PABPC4L: variants seen among roughly 807,000 people sequenced by gnomAD.
PABPC4L encodes poly(A) binding protein cytoplasmic 4 like, also known as polyadenylate-binding protein 4-like.
For missense variants in PABPC4L, 452 were observed against 451.4 expected (o/e 1.00, Z -0.01); for synonymous variants, 169 against 164.1 (o/e 1.03, Z -0.23).
chr4:134,167,758 G>T, the PABPC4L span, among the ~76,000 whole-genome samples: 4 of 151,906 alleles, frequency 2.6e-5, no homozygotes, highest in Admixed American at 2.6e-4. Flanking sequence ...AAATATATAT[G>T]CACTCAATAC....
At chr4:133,949,479 T>G in the PABPC4L span, among the ~76,000 whole-genome samples, 1 of 152,200 alleles carries the variant, frequency 6.6e-6, no homozygotes, top group Admixed American at 6.5e-5. Flanking sequence ...CCACCCCCAG[T>G]GAAGGGGCTC....
the PABPC4L span, among the ~76,000 whole-genome samples, chr4:134,168,853 A>C: frequency 6.6e-6 from 1 of 152,038 alleles, no homozygotes; most frequent in Non-Finnish European, 1.5e-5. Context: ...ATGAAATAAA[A>C]TCAATCCTAC....
At chr4:134,029,850 C>G in the PABPC4L span, among the ~76,000 whole-genome samples, 2 of 151,800 alleles carry the variant, frequency 1.3e-5, no homozygotes, top group East Asian at 3.9e-4. Flanking sequence ...CCAATAATCC[C>G]CACATATTGT....
chr4:134,095,520 A>G, the PABPC4L span, among the ~76,000 whole-genome samples: 1 of 151,970 alleles, frequency 6.6e-6, no homozygotes, highest in African/African-American at 2.4e-5. Context: ...GACAAACGCC[A>G]ATCCATATAT....
the PABPC4L span, among the ~76,000 whole-genome samples, chr4:134,033,658 C>G: frequency 6.6e-6 from 1 of 151,830 alleles, no homozygotes; most frequent in Non-Finnish European, 1.5e-5. Context: ...AATAGAAGAT[C>G]AAACCAGACA....
At chr4:134,170,477 T>C in the PABPC4L span, among the ~76,000 whole-genome samples, 1 of 152,114 alleles carries the variant, frequency 6.6e-6, no homozygotes, top group Non-Finnish European at 1.5e-5. Flanking sequence ...TGCCTCACGG[T>C]ACCATAGGCT....
chr4:134,162,262 A>C, the PABPC4L span, among the ~76,000 whole-genome samples: 1 of 152,214 alleles, frequency 6.6e-6, no homozygotes, highest in Admixed American at 6.5e-5. Context: ...CCACAATAGT[A>C]AAACCAAACA....
At chr4:134,176,791 T>C in the PABPC4L span, among the ~76,000 whole-genome samples, 1 of 152,072 alleles carries the variant, frequency 6.6e-6, no homozygotes, top group Non-Finnish European at 1.5e-5. Context: ...CCAGGGTGAT[T>C]CATGCTCTCC....
the PABPC4L span, among the ~76,000 whole-genome samples, chr4:133,986,784 G>A: frequency 6.6e-6 from 1 of 150,662 alleles, no homozygotes; most frequent in African/African-American, 2.4e-5. Flanking sequence ...CACCCAGGCT[G>A]GAGTGCAGTG....
chr4:134,137,274 A>G, the PABPC4L span, among the ~76,000 whole-genome samples: 1 of 152,100 alleles, frequency 6.6e-6, no homozygotes, highest in African/African-American at 2.4e-5. Context: ...CCAGATTTAG[A>G]AATAATATTA....
the PABPC4L span, among the ~76,000 whole-genome samples, chr4:134,092,115 G>A: frequency 6.6e-6 from 1 of 151,876 alleles, no homozygotes; most frequent in Non-Finnish European, 1.5e-5. Flanking sequence ...CTGGGTAGAG[G>A]GGGGTGGTTC....
the PABPC4L span, among the ~76,000 whole-genome samples, chr4:134,036,955 C>G: frequency 5.9e-5 from 9 of 151,472 alleles, no homozygotes; most frequent in Non-Finnish European, 1.3e-4. Flanking sequence ...ACTCGGGAGG[C>G]TGAGGCAGAT....
At chr4:134,164,979 T>A in the PABPC4L span, among the ~76,000 whole-genome samples, 1 of 151,980 alleles carries the variant, frequency 6.6e-6, no homozygotes, top group Non-Finnish European at 1.5e-5. Flanking sequence ...TAAAGCCAAA[T>A]ACTTATAACC....
chr4:133,983,761 A>T, the PABPC4L span, among the ~76,000 whole-genome samples: 5 of 151,814 alleles, frequency 3.3e-5, no homozygotes, highest in African/African-American at 4.8e-5. Flanking sequence ...TTATAGGTAT[A>T]TTGGAACATT....
chr4:134,110,164 A>G, the PABPC4L span, among the ~76,000 whole-genome samples: 12 of 152,034 alleles, frequency 7.9e-5, no homozygotes. Context: ...GGGAAAAATC[A>G]ATGGTGGGCA....
chr4:134,172,468 T>C, the PABPC4L span, among the ~76,000 whole-genome samples: 1 of 152,156 alleles, frequency 6.6e-6, no homozygotes, highest in African/African-American at 2.4e-5. Flanking sequence ...ATGCAGAAGA[T>C]TGAACCTTGA....
chr4:134,096,646 T>G, the PABPC4L span, among the ~76,000 whole-genome samples: 1 of 151,952 alleles, frequency 6.6e-6, no homozygotes, highest in Admixed American at 6.6e-5. Context: ...ATAAAGATAT[T>G]TGCATGTTTC....
chr4:134,091,574 A>C, the PABPC4L span, among the ~76,000 whole-genome samples: 1 of 151,944 alleles, frequency 6.6e-6, no homozygotes, highest in Non-Finnish European at 1.5e-5. Context: ...TCCTGAATTT[A>C]ATGTAAATTC....
chr4:134,052,338 T>A, the PABPC4L span, among the ~76,000 whole-genome samples: 1,634 of 152,182 alleles, frequency 0.011, 29 homozygotes, highest in African/African-American at 0.034. Flanking sequence ...TTGTACAAGG[T>A]TTAAATGTCT....
Sources: gnomAD v4.1 joint callset for allele counts (sites outside exome capture counted in the v4.1 genomes callset) on GRCh38, gnomAD v4.1.1 for gene constraint, MANE v1.5 for transcripts, NCBI Gene and HGNC (gene_info 2026-07-23, HGNC 2026-07-21) for gene names.